DYSF: variants seen among roughly 807,000 people sequenced by gnomAD.
The protein encoded by DYSF is dysferlin, also known as dystrophy-associated fer-1-like 1.
A neutral mutation model predicts 274.9 loss-of-function variants in DYSF; 212 were observed. That is an observed-to-expected ratio of 0.77 (90% CI 0.69 to 0.86). DYSF has a LOEUF of 0.86. Ranked by LOEUF, DYSF falls within the 40% of genes least tolerant of loss-of-function variation. DYSF has a pLI of 0.00. For missense variants in DYSF, 2,666 were observed against 2,783.2 expected, an observed-to-expected ratio of 0.96 and a Z score of 0.95; for synonymous variants, 1,091 against 1,078.7, an observed-to-expected ratio of 1.01 and a Z score of -0.22.
chr2:71,593,125 C>CTTTTTTTTTTTTTTTTTTTT (rs35900869), intron 32 of DYSF, among the ~76,000 whole-genome samples: 1 of 85,564 alleles, frequency 1.2e-5, no homozygotes, highest in Non-Finnish European at 2.2e-5. Context: ...TCAGTGACTT[C>CTTTTTTTTTTTTTTTTTTTT]TTTTTTTTTT....
intron 14 of DYSF, 21 bp downstream of exon 14, chr2:71,528,422 A>T: frequency 6.2e-7 from 1 of 1,605,848 alleles, no homozygotes; most frequent in South Asian, 1.1e-5. Context: ...AGGGAGCAGG[A>T]GGGTTCTCTC....
upstream of DYSF, chr2:71,466,575 C>G (rs1357132019): frequency 1.8e-6 from 2 of 1,106,686 alleles, no homozygotes; most frequent in Admixed American, 4.5e-5. Flanking sequence ...CCCACAGGCG[C>G]CCGTCTGACC....
At position 71,553,910 on chromosome 2, in the gene DYSF, G is replaced by T. The variant is rs200541431; in HGVS notation, c.2088G>T (p.Leu696=). 2 of 1,614,192 alleles carry T rather than the reference G, an allele frequency of 1.2e-6. No individual in the cohort carries two copies. The highest frequency in any genetic ancestry group is 2.2e-5 in the East Asian group (1 of 44,886). ...ISHRIETQNQ[L]LGIADRLEAG... is the part of the protein sequence containing the mutation. The stretch of plus-strand genomic sequence containing the variant: ...ATAGAATCGAGACTCAGAACCAGCT[G>T]CTTGGGATTGCTGACCGGCTGGTGA... Residue 696 remains leucine, a synonymous_variant, in exon 21 of 56, where the codon CTG becomes CTT. Transcript: ENST00000410020.
At chr2:71,640,544 T>A (rs2094470339) in intron 41 of DYSF, among the ~76,000 whole-genome samples, 1 of 152,160 alleles carries the variant, frequency 6.6e-6, no homozygotes, top group African/African-American at 2.4e-5. Flanking sequence ...CCAAACTAGG[T>A]GGCTGGCCAG....
At chr2:71,583,098 C>G (rs2092951278) in intron 30 of DYSF, among the ~76,000 whole-genome samples, 1 of 148,882 alleles carries the variant, frequency 6.7e-6, no homozygotes, top group African/African-American at 2.5e-5. Flanking sequence ...CAAGTATTTA[C>G]CACCTTGAGT....
At chr2:71,629,488 C>T (rs2094276801) in intron 41 of DYSF, among the ~76,000 whole-genome samples, 1 of 152,310 alleles carries the variant, frequency 6.6e-6, no homozygotes, top group South Asian at 2.1e-4. Flanking sequence ...TGATTGTGAA[C>T]TCATGTTCCT....
rs756727633 is a variant in DYSF, at chr2:71,612,592, A to T, written c.4222-49A>T. On this transcript the variant is annotated intron_variant, in intron 38 of 55. Coordinates refer to ENST00000410020, the MANE Select transcript of DYSF (RefSeq NM_001130987.2). ...TCTGCTCTTTGGGCTTGACCTGGAG[A>T]CTTCCCAGAGGGGGATTCAGGCCAG... 4 of 1,606,420 alleles carry T rather than the reference A, an allele frequency of 2.5e-6. No individual in the cohort carries two copies. The South Asian group carries it at 4.4e-5, about 18-fold the overall frequency.
At chr2:71,665,042 C>T in intron 46 of DYSF, 120 bp from the exon 47 acceptor site, 1 of 1,507,996 alleles carries the variant, frequency 6.6e-7, no homozygotes, top group Non-Finnish European at 9.1e-7. Flanking sequence ...GATGGGACAC[C>T]CACTGTAAAA....
At chr2:71,459,173 C>T (rs559379359) in intron 1 of DYSF, among the ~76,000 whole-genome samples, 13 of 152,312 alleles carry the variant, frequency 8.5e-5, no homozygotes, top group African/African-American at 3.1e-4. Flanking sequence ...TGAAGGAGTC[C>T]TGTCAACTCA....
chr2:71,459,116 G>T (rs553027476), intron 1 of DYSF, among the ~76,000 whole-genome samples: 10 of 152,304 alleles, frequency 6.6e-5, no homozygotes, highest in South Asian at 4.1e-4. Flanking sequence ...AGGGAAGAAG[G>T]CCTCATCTAT....
chr2:71,561,916 T>C lies in DYSF; in HGVS notation c.2381T>C (p.Leu794Pro). 6.2e-7 allele frequency: 1 copy of C among 1,614,126 alleles called. No individual in the cohort carries two copies. Among genetic ancestry groups the C allele is most frequent in the Non-Finnish European group, 8.5e-7 (1 of 1,180,004 alleles). ...PAALEQAEDW[L>P]LRLRALAEEP... ...GCTCTGGAGCAGGCGGAGGACTGGC[T>C]CCTGCGTCTGCGTGCCCTGGCAGAG... is the stretch of plus-strand genomic sequence containing the variant. The change falls in exon 23 of 56, where the codon CTC (leucine) becomes CCC (proline). Residue 794 changes from leucine to proline, a missense_variant. Transcript: ENST00000410020.
chr2:71,454,023 G>T (rs887165313), exon 1 of DYSF: 1 of 1,614,192 alleles, frequency 6.2e-7, no homozygotes, highest in Non-Finnish European at 8.5e-7. Context: ...CATCCTCTAT[G>T]CCGAGAACGT....
At chr2:71,644,109 G>C in intron 42 of DYSF, 46 bp downstream of exon 42, 7 of 1,457,478 alleles carry the variant, frequency 4.8e-6, no homozygotes, top group Non-Finnish European at 6.7e-6. Flanking sequence ...TGTGCGTACT[G>C]GGCAGTGGGA....
chr2:71,639,337 A>T lies in DYSF; in HGVS notation c.4528-4628A>T, dbSNP rs570355951. ...TCTTGCTGTTGTTCTTTATTTAAAAATTTTTAATTTTTAAAGCTATGCAAG... is the reference window on the plus strand; with the variant it reads ...TCTTGCTGTTGTTCTTTATTTAAAATTTTTTAATTTTTAAAGCTATGCAAG... On this transcript the variant is annotated intron_variant, in intron 41 of 55. Coordinates refer to ENST00000410020, the MANE Select transcript of DYSF (RefSeq NM_001130987.2). Among the ~76,000 whole-genome samples, 129 of 152,316 alleles carry T rather than the reference A, an allele frequency of 8.5e-4. No homozygotes were observed. The South Asian group carries it at 0.024, about 29-fold the overall frequency.
intron 3 of DYSF, among the ~76,000 whole-genome samples, chr2:71,496,402 G>A (rs1021924115): frequency 1.3e-5 from 2 of 152,098 alleles, no homozygotes; most frequent in African/African-American, 2.4e-5. Context: ...CAGAGAGAGC[G>A]AGGGGAACAC....
At chr2:71,467,374 C>G (rs1354323486) in intron 1 of DYSF, among the ~76,000 whole-genome samples, 2 of 152,086 alleles carry the variant, frequency 1.3e-5, no homozygotes, top group African/African-American at 4.8e-5. Flanking sequence ...CCATCTTTAT[C>G]CAACATTGGC....
chr2:71,474,205 C>T (rs1412223327), intron 1 of DYSF, among the ~76,000 whole-genome samples: 3 of 152,188 alleles, frequency 2.0e-5, no homozygotes, highest in Admixed American at 6.5e-5. Flanking sequence ...GGATTACAGG[C>T]GTGAGCAACC....
rs2080945647 is a variant in DYSF at position 71,454,047 on chromosome 2, A to G, written c.49A>G (p.Thr17Ala). Residue 17 changes from threonine (T) to alanine (A), a missense_variant, in exon 1 of 55, where the codon ACC (threonine) becomes GCC (alanine). Thr to Ala is a moderately conservative substitution (Grantham distance 58). Coordinates refer to the DYSF transcript ENST00000258104. ...TGCCGAGAACGTCCACACACCCGACACCGACATCAGCGATGCCTACTGCTC... is the reference window on the plus strand; with the variant it reads ...TGCCGAGAACGTCCACACACCCGACGCCGACATCAGCGATGCCTACTGCTC... The G allele has an allele frequency of 3.1e-6, 5 of 1,614,150 alleles. No individual in the cohort carries two copies. The highest frequency in any genetic ancestry group is 1.7e-5 in the Admixed American group (1 of 60,022).
chr2:71,662,254 C>G (rs896598263), intron 45 of DYSF, among the ~76,000 whole-genome samples: 1 of 152,228 alleles, frequency 6.6e-6, no homozygotes, highest in Admixed American at 6.5e-5. Flanking sequence ...TTCTCCTTTC[C>G]CCTGAGGAAA....
Sources: allele counts gnomAD v4.1 joint callset (sites outside exome capture counted in the v4.1 genomes callset), GRCh38; gene constraint gnomAD v4.1.1; transcripts MANE v1.5; gene names NCBI Gene and HGNC (gene_info 2026-07-23, HGNC 2026-07-21).